Variants in WDR7 observed in about 807,000 individuals in gnomAD.
The protein encoded by WDR7 is WD repeat domain 7.
A neutral mutation model predicts 169.4 loss-of-function variants in WDR7; 46 were observed. That is an observed-to-expected ratio of 0.27 (90% CI 0.21 to 0.35). The LOEUF (loss-of-function observed/expected upper bound fraction) is 0.35. Ranked by LOEUF, WDR7 falls within the 10% of genes least tolerant of loss-of-function variation. The probability of loss-of-function intolerance (pLI) is 1.00; values close to 1 mark genes in which losing one functional copy is unlikely to be tolerated. For missense variants in WDR7, 1,534 were observed against 1,859.3 expected (o/e 0.83, Z 3.22); for synonymous variants, 612 against 666.8 (o/e 0.92, Z 1.27).
chr18:56,842,376 A>G (rs990582057), intron 20 of WDR7, among the ~76,000 whole-genome samples: 3 of 152,128 alleles, frequency 2.0e-5, no homozygotes, highest in Admixed American at 1.3e-4. Context: ...CCAACTCTCA[A>G]TAACAGCATT....
At chr18:56,770,337 A>T (rs2044134893) in intron 16 of WDR7, among the ~76,000 whole-genome samples, 1 of 152,152 alleles carries the variant, frequency 6.6e-6, no homozygotes. Context: ...AGTAATTGTT[A>T]CTTATTTAGT....
At chr18:57,036,092 A>G in the WDR7 span, 3 of 152,274 alleles carry the variant, frequency 2.0e-5, no homozygotes, top group Non-Finnish European at 4.4e-5. Context: ...GAAGCAATAG[A>G]TATCAGTGGT....
intron 1 of WDR7, among the ~76,000 whole-genome samples, chr18:56,653,582 T>C (rs974045406): frequency 1.3e-5 from 2 of 152,240 alleles, no homozygotes; most frequent in African/African-American, 4.8e-5. Flanking sequence ...TTCTGTATGA[T>C]GTGTATTCTT....
At position 56,698,118 on chromosome 18, in the gene WDR7, C is replaced by T. The variant is rs561017718; in HGVS notation, c.1578+1656C>T. On this transcript the variant is annotated intron_variant, in intron 12 of 27. Transcript: ENST00000254442. ...GCTGAGGCAGGAGAATTGCTTGAAC[C>T]TGGGAGGCAGGGGTTGCAGTGAGCT... 5.3e-5 allele frequency among the ~76,000 whole-genome samples: 8 copies of T among 151,898 alleles called. No homozygotes were observed. The South Asian group carries it at 1.7e-3, about 32-fold the overall frequency.
At chr18:56,686,717 C>G in intron 6 of WDR7, 138 bp from the exon 7 acceptor site, 1 of 679,176 alleles carries the variant, frequency 1.5e-6, no homozygotes. Context: ...TTTTTACTAC[C>G]GTGGCGCTTA....
chr18:56,828,768 A>C (rs1384937750), intron 20 of WDR7, among the ~76,000 whole-genome samples: 1 of 152,190 alleles, frequency 6.6e-6, no homozygotes, highest in South Asian at 2.1e-4. Flanking sequence ...GCAAAATTCA[A>C]CTAAATGTGA....
intron 20 of WDR7, among the ~76,000 whole-genome samples, chr18:56,821,253 G>T (rs763073433): frequency 3.9e-5 from 6 of 152,110 alleles, no homozygotes; most frequent in Non-Finnish European, 7.4e-5. Flanking sequence ...ATAGAGAAGG[G>T]TAAGAGAAGT....
intron 1 of WDR7, among the ~76,000 whole-genome samples, chr18:56,661,857 T>C (rs651354): frequency 0.92 from 139,755 of 152,222 alleles, 65,323 homozygotes; most frequent in East Asian, 1. Context: ...AGTCTTCAAT[T>C]GATTGGTGGT....
At chr18:56,730,391 T>C (rs17750015) in intron 13 of WDR7, among the ~76,000 whole-genome samples, 43,517 of 152,058 alleles carry the variant, frequency 0.29, 6,917 homozygotes, top group Non-Finnish European at 0.36. Context: ...GAAGCTCACA[T>C]TGGAGGAAGT....
intron 1 of WDR7, among the ~76,000 whole-genome samples, chr18:56,669,542 A>T (rs2025089807): frequency 1.3e-5 from 2 of 152,226 alleles, no homozygotes; most frequent in South Asian, 4.1e-4. Flanking sequence ...TCCTAATATT[A>T]TTTTGTTTTT....
intron 20 of WDR7, among the ~76,000 whole-genome samples, chr18:56,820,353 A>AAAC (rs1338893418): frequency 6.9e-6 from 1 of 145,814 alleles, no homozygotes; most frequent in Non-Finnish European, 1.5e-5. Flanking sequence ...AAAAAAAAAA[A>AAAC]AAAAAAAAAA....
intron 21 of WDR7, among the ~76,000 whole-genome samples, chr18:56,901,966 A>G (rs146162061): frequency 1.9e-3 from 295 of 152,238 alleles, no homozygotes; most frequent in African/African-American, 6.7e-3. Context: ...GAATACTACT[A>G]TTGGCAAGTG....
At chr18:57,007,932 G>A (rs1270317531) in intron 26 of WDR7, among the ~76,000 whole-genome samples, 1 of 152,164 alleles carries the variant, frequency 6.6e-6, no homozygotes, top group Non-Finnish European at 1.5e-5. Context: ...AGGGCTGAGT[G>A]CAGGGTCTAT....
chr18:56,755,684 G>A (rs751578270), intron 14 of WDR7, among the ~76,000 whole-genome samples: 3 of 152,124 alleles, frequency 2.0e-5, no homozygotes, highest in Non-Finnish European at 4.4e-5. Context: ...GGCTGATGAT[G>A]GAAATTAGAG....
chr18:56,916,964 G>A lies in WDR7; in HGVS notation c.3527-6958G>A, dbSNP rs147732326. On this transcript the variant is annotated intron_variant, in intron 21 of 27. Transcript: ENST00000254442. Reference sequence around the variant, plus strand: ...TGTAATCCCAGTACTTTGGGAGGCCGAGGCAGGCGGATCATGAGGTTAGGA... The same window carrying A: ...TGTAATCCCAGTACTTTGGGAGGCCAAGGCAGGCGGATCATGAGGTTAGGA... Among the ~76,000 whole-genome samples the A allele has an allele frequency of 6.5e-3, 989 of 152,216 alleles. 6 individuals carry two copies. The highest frequency in any genetic ancestry group is 0.011 in the Non-Finnish European group (759 of 68,002).
In WDR7 at chr18:56,739,164, G is replaced by C. The variant is rs551506036; in HGVS notation, c.1989+7567G>C. On this transcript the variant is annotated intron_variant, in intron 14 of 27. Transcript: ENST00000254442. ...TTAGATCTACCATCTTAACGTTTGA[G>C]TTCCATTTCACTGTTTTTATGTTTA... is the stretch of plus-strand genomic sequence containing the variant. 2.0e-5 allele frequency among the ~76,000 whole-genome samples: 3 copies of C among 151,990 alleles called. No individual in the cohort carries two copies. The South Asian group carries it at 6.2e-4, about 32-fold the overall frequency.
chr18:56,983,919 G>A (rs889741446), intron 26 of WDR7, among the ~76,000 whole-genome samples: 2 of 151,978 alleles, frequency 1.3e-5, no homozygotes, highest in Non-Finnish European at 2.9e-5. Context: ...CACAATTGCA[G>A]TTTTTTCTTT....
At chr18:56,789,032 A>G (rs930725637) in intron 19 of WDR7, among the ~76,000 whole-genome samples, 2 of 152,192 alleles carry the variant, frequency 1.3e-5, no homozygotes, top group Non-Finnish European at 2.9e-5. Context: ...TTTTTCTTCC[A>G]GAGAGTCAGA....
At chr18:56,902,241 A>G (rs72919424) in intron 21 of WDR7, among the ~76,000 whole-genome samples, 3,845 of 152,258 alleles carry the variant, frequency 0.025, 56 homozygotes, top group Non-Finnish European at 0.035. Flanking sequence ...AAGTATAGCA[A>G]TATTACATAG....
Sources: allele counts gnomAD v4.1 joint callset (sites outside exome capture counted in the v4.1 genomes callset), GRCh38; gene constraint gnomAD v4.1.1; transcripts MANE v1.5; gene names NCBI Gene and HGNC (gene_info 2026-07-23, HGNC 2026-07-21).